The following ALAD variants were observed in gnomAD, a reference collection of about 807,000 sequenced individuals.
The protein encoded by ALAD is aminolevulinate dehydratase.
ALAD carries 20 observed loss-of-function variants against 44.4 expected under a neutral mutation model. The ratio of observed to expected loss-of-function variants is 0.45; its 90% CI spans 0.32 to 0.65. ALAD has a LOEUF of 0.65. Ranked by LOEUF, ALAD falls within the 30% of genes least tolerant of loss-of-function variation. The pLI, the probability that ALAD is intolerant of heterozygous loss-of-function variation, is 0.05. For missense variants in ALAD, 323 were observed against 445.7 expected (o/e 0.72, Z 2.48); for synonymous variants, 156 against 167.9 (o/e 0.93, Z 0.55).
At chr9:113,392,356 A>G in intron 2 of ALAD, 187 bp from the exon 3 acceptor site, 1 of 1,482,270 alleles carries the variant, frequency 6.7e-7, no homozygotes, top group South Asian at 1.3e-5. Flanking sequence ...AATAGGAACA[A>G]CAAGAATAAC....
At position 113,388,376 on chromosome 9, in the gene ALAD, A is replaced by C. The variant is rs1230563910; in HGVS notation, c.932-15T>G. ...GATGTCAGCACCTGTGTTGGGAGAG[A>C]TGCAGAAAGTTGCTGGGGGGACGCT... On this transcript the variant is annotated splice_polypyrimidine_tract_variant and intron_variant, in intron 11 of 11. Transcript: ENST00000409155. 1 of 1,613,656 alleles carries C rather than the reference A, an allele frequency of 6.2e-7. No homozygotes were observed. Among genetic ancestry groups the C allele is most frequent in the Non-Finnish European group, 8.5e-7 (1 of 1,179,888 alleles).
chr9:113,394,383 T>C (rs903781029), intron 1 of ALAD, among the ~76,000 whole-genome samples: 2 of 150,092 alleles, frequency 1.3e-5, no homozygotes, highest in African/African-American at 4.9e-5. Context: ...ACAAAAAGTT[T>C]AAAAATCAGC....
chr9:113,398,745 C>T (rs1193141216), intron 1 of ALAD, among the ~76,000 whole-genome samples: 1 of 152,200 alleles, frequency 6.6e-6, no homozygotes, highest in Non-Finnish European at 1.5e-5. Context: ...GACCCTGCAG[C>T]TCCTGGCTTC....
At chr9:113,399,100 G>C (rs981554192) in intron 1 of ALAD, among the ~76,000 whole-genome samples, 17 of 152,170 alleles carry the variant, frequency 1.1e-4, no homozygotes, top group African/African-American at 4.1e-4. Flanking sequence ...AGTATAGGGC[G>C]GTGCAGAAAG....
Position 113,387,995 on chromosome 9 carries a change from C to T in ALAD, c.*305G>A, listed in dbSNP as rs1827449489. ...CAGCCAGGCCCCAAAGGCTGTGCCC[C>T]CGACTCCAGGTTGCTTTCAAGCTGA... On this transcript the variant is annotated 3_prime_UTR_variant, in exon 12 of 12. Transcript: ENST00000409155. 2.3e-6 allele frequency: 1 copy of T among 435,142 alleles called. No homozygotes were observed. Among genetic ancestry groups the T allele is most frequent in the Non-Finnish European group, 4.3e-6 (1 of 232,708 alleles). 27.0% of individuals were successfully genotyped at this position (435,142 alleles called of 1,614,324 possible).
In ALAD at chr9:113,392,111, T is replaced by A; in HGVS notation, c.164+8A>T. On this transcript the variant is annotated splice_region_variant and intron_variant, in intron 3 of 11. Coordinates refer to ENST00000409155, the MANE Select transcript of ALAD (RefSeq NM_000031.6). ...CACCCGCTGGCCCCCCAACTCCACG[T>A]CTCCTACCTGGCCACTCCTGGGAGG... The A allele has an allele frequency of 6.2e-7, 1 of 1,609,394 alleles. No homozygotes were observed. The highest frequency in any genetic ancestry group is 8.5e-7 in the Non-Finnish European group (1 of 1,177,906).
chr9:113,390,331 T>C, intron 7 of ALAD, 74 bp downstream of exon 7: 1 of 1,497,366 alleles, frequency 6.7e-7, no homozygotes, highest in Non-Finnish European at 9.2e-7. Context: ...AGTTCTGTGA[T>C]TCTTAGCAGA....
chr9:113,389,110 C>CA lies in ALAD; in HGVS notation c.802-5dup. Reference sequence around the variant, plus strand: ...CGGCGAGAGGGAGGTCAGGGTGCTGCAGGGAAGCAGACAGGGAGACAGGCT... The same window carrying CA: ...CGGCGAGAGGGAGGTCAGGGTGCTGCAAGGGAAGCAGACAGGGAGACAGGCT... On this transcript the variant is annotated splice_region_variant and splice_polypyrimidine_tract_variant and intron_variant, in intron 10 of 11. Coordinates refer to ENST00000409155, the MANE Select transcript of ALAD (RefSeq NM_000031.6). 6.2e-7 allele frequency: 1 copy of CA among 1,613,926 alleles called. No homozygotes were observed.
At chr9:113,388,863 C>T in intron 11 of ALAD, 114 bp downstream of exon 11, 2 of 1,498,376 alleles carry the variant, frequency 1.3e-6, no homozygotes, top group Non-Finnish European at 1.9e-6. Context: ...GTTTAGATCA[C>T]TAGTAATTCC....
intron 2 of ALAD, chr9:113,392,582 T>G (rs1021202968): frequency 5.0e-5 from 12 of 238,692 alleles, no homozygotes; most frequent in African/African-American, 2.7e-4. Flanking sequence ...ATTTATTGAG[T>G]ACTTATTATG....
Position 113,393,350 on chromosome 9 carries a change from C to A in ALAD, c.113+97G>T. 2.6e-6 allele frequency: 3 copies of A among 1,148,422 alleles called. No individual in the cohort carries two copies. In the South Asian group the frequency reaches 3.8e-5, roughly 14 times the overall value. The allele number at this position is 1,148,422 out of a possible 1,614,324, so 71.1% of individuals were successfully genotyped here. On this transcript the variant is annotated intron_variant, in intron 2 of 11. Coordinates refer to ENST00000409155, the MANE Select transcript of ALAD (RefSeq NM_000031.6). ...TTCAAGCTGACAGCTCACTTTGCCA[C>A]CCCCAGCCATACTGATGCCCGCTCC...
chr9:113,389,889 G>A (rs1827522123), intron 7 of ALAD, 61 bp from the exon 8 acceptor site: 11 of 1,596,484 alleles, frequency 6.9e-6, no homozygotes, highest in Non-Finnish European at 9.4e-6. Context: ...CCAGGGTGAT[G>A]TGGCAGGGAG....
chr9:113,388,077 G>A lies in ALAD; in HGVS notation c.*223C>T. The A allele has an allele frequency of 1.7e-6, 1 of 602,168 alleles. No individual in the cohort carries two copies. Among genetic ancestry groups the A allele is most frequent in the Non-Finnish European group, 3.0e-6 (1 of 330,370 alleles). The allele number at this position is 602,168 out of a possible 1,614,324, so 37.3% of individuals were successfully genotyped here. ...AAAGGTGGGCCTCACGGCTGACCCA[G>A]GGGAGGGGCGGGGAAGCTTGGGAGA... is the stretch of plus-strand genomic sequence containing the variant. On this transcript the variant is annotated 3_prime_UTR_variant, in exon 12 of 12. Coordinates refer to ENST00000409155, the MANE Select transcript of ALAD (RefSeq NM_000031.6).
At chr9:113,393,782 C>G (rs775147498) in intron 1 of ALAD, 148 bp from the exon 2 acceptor site, 17 of 517,606 alleles carry the variant, frequency 3.3e-5, no homozygotes, top group South Asian at 1.3e-4. Flanking sequence ...TGCTGGTCAA[C>G]AAGGTAAGTT....
At chr9:113,392,087 A>T (rs766693134) in intron 3 of ALAD, 32 bp downstream of exon 3, 8 of 1,572,104 alleles carry the variant, frequency 5.1e-6, no homozygotes, top group Non-Finnish European at 6.9e-6. Context: ...TCCCTCCACC[A>T]CCCGCTGGCC....
At chr9:113,398,110 T>C (rs373493654) in intron 1 of ALAD, 3 of 152,338 alleles carry the variant, frequency 2.0e-5, no homozygotes, top group Admixed American at 6.5e-5. Context: ...GCCCATACTG[T>C]TTCTGCTTTG....
intron 1 of ALAD, among the ~76,000 whole-genome samples, chr9:113,395,012 G>A (rs564788068): frequency 4.6e-5 from 7 of 150,824 alleles, no homozygotes; most frequent in African/African-American, 1.5e-4. Context: ...CCGAGATAGC[G>A]CCACTTCACT....
rs759693192 is a variant in ALAD, at chr9:113,393,632, T to C, written c.-73A>G. On this transcript the variant is annotated splice_region_variant and 5_prime_UTR_variant, in exon 2 of 12. Transcript: ENST00000409155. ...CTCCTGGGGCATTGGCTGCAGGCTC[T>C]GTCTGTGGGGGGTGATGGGTGGCAC... The C allele has an allele frequency of 1.6e-6, 2 of 1,268,828 alleles. No homozygotes were observed. The highest frequency in any genetic ancestry group is 2.3e-6 in the Non-Finnish European group (2 of 868,886). The allele number at this position is 1,268,828 out of a possible 1,614,324, so 78.6% of individuals were successfully genotyped here.
chr9:113,389,306 GGT>G, intron 10 of ALAD, 130 bp downstream of exon 10: 3 of 1,326,268 alleles, frequency 2.3e-6, no homozygotes, highest in Non-Finnish European at 3.2e-6. Context: ...AGGCCACGAT[GGT>G]TCCTGGGCAG....
Sources: allele counts gnomAD v4.1 joint callset (sites outside exome capture counted in the v4.1 genomes callset), GRCh38; gene constraint gnomAD v4.1.1; transcripts MANE v1.5; gene names NCBI Gene and HGNC (gene_info 2026-07-23, HGNC 2026-07-21).